EWSR1: variants seen among roughly 807,000 people sequenced by gnomAD.
EWSR1 encodes RNA-binding protein EWS.
In EWSR1, 14 loss-of-function variants were observed where a neutral mutation model predicts 92.1. The observed-to-expected ratio is 0.15, with a 90% CI of 0.10 to 0.24. The LOEUF (loss-of-function observed/expected upper bound fraction) is 0.24, where lower values mean the gene tolerates loss of function less well. Ranked by LOEUF, EWSR1 falls within the 10% of genes least tolerant of loss-of-function variation. The pLI is 1.00. For missense variants in EWSR1, 637 were observed against 870.9 expected, an observed-to-expected ratio of 0.73 and a Z score of 3.38; for synonymous variants, 303 against 292.9, an observed-to-expected ratio of 1.03 and a Z score of -0.35.
chr22:29,290,745 T>G, intron 8 of EWSR1: 3 of 1,158,678 alleles, frequency 2.6e-6, no homozygotes, highest in Non-Finnish European at 3.3e-6. Flanking sequence ...TGCAACAGCT[T>G]GAAATTGTAT....
chr22:29,276,960 C>T (rs914534447), intron 4 of EWSR1: 7 of 231,068 alleles, frequency 3.0e-5, no homozygotes, highest in Non-Finnish European at 3.4e-5. Context: ...TACCCATTGA[C>T]CATGAGGAAG....
intron 1 of EWSR1, among the ~76,000 whole-genome samples, chr22:29,270,563 T>C (rs899959669): frequency 4.6e-5 from 7 of 152,216 alleles, no homozygotes; most frequent in African/African-American, 1.7e-4. Context: ...CCAGTTAGTA[T>C]AGGGCCGAAT....
chr22:29,290,997 T>C, intron 8 of EWSR1: 1 of 236,688 alleles, frequency 4.2e-6, no homozygotes, highest in Non-Finnish European at 8.3e-6. Context: ...TTCACAGCGA[T>C]TGTTAAATCT....
chr22:29,299,761 G>A lies in EWSR1; in HGVS notation c.1841G>A (p.Arg614Lys). 1 of 1,608,398 alleles carries A rather than the reference G, an allele frequency of 6.2e-7. No homozygotes were observed. Among genetic ancestry groups the A allele is most frequent in the African/African-American group, 1.3e-5 (1 of 74,970 alleles). The change falls in exon 16 of 17, where the codon AGA becomes AAA. Residue 614 changes from arginine (R) to lysine (K), a missense_variant. Physicochemically the swap from Arg to Lys is conservative, Grantham distance 26. This residue lies in a region of EWSR1 where 363 missense variants were observed against 447.8 expected (regional missense o/e 0.81). Transcript: ENST00000397938. ...GACCGAGGTGGCTTTGGTGGAGGAA[G>A]ACGAGGTGGCCCTGGGGGGCCCCCT... ...GMDRGGFGGG[R>K]RGGPGGPPGP...
chr22:29,300,386 C>CT lies in EWSR1; in HGVS notation c.*228dup, dbSNP rs1569130915. ...TTCTTTTAAAAATGGTTGTTTAAGA[C>CT]TTTAACAATGGGAACCCCTTGTGAG... is the stretch of plus-strand genomic sequence containing the variant. On this transcript the variant is annotated 3_prime_UTR_variant, in exon 17 of 17. Coordinates refer to ENST00000397938, the MANE Select transcript of EWSR1 (RefSeq NM_005243.4). The CT allele has an allele frequency of 6.3e-6, 3 of 476,120 alleles. No individual in the cohort carries two copies. The highest frequency in any genetic ancestry group is 7.5e-5 in the Admixed American group (2 of 26,752). The allele number at this position is 476,120 out of a possible 1,614,324, so 29.5% of individuals were successfully genotyped here. A position where few individuals can be genotyped will look rare whatever the true frequency, so the allele number is the denominator to read the frequency against.
chr22:29,273,593 AT>A, intron 3 of EWSR1, 147 bp from the exon 4 acceptor site: 1 of 880,646 alleles, frequency 1.1e-6, no homozygotes, highest in East Asian at 2.8e-5. Flanking sequence ...TACTGTGATT[AT>A]TTGTCTTGTT....
rs1172395165 is a variant in EWSR1 at position 29,299,697 on chromosome 22, G to A, written c.1777G>A (p.Gly593Ser). The A allele has an allele frequency of 1.9e-6, 3 of 1,612,856 alleles. No individual in the cohort carries two copies. Among genetic ancestry groups the A allele is most frequent in the Admixed American group, 1.7e-5 (1 of 59,958 alleles). Reference protein sequence around the residue: ...GPGGMFRGGRGGDRGGFRGGR... With the variant: ...GPGGMFRGGRSGDRGGFRGGR... ...CGGTGGAATGTTCAGAGGTGGCCGT[G>A]GTGGAGACAGAGGTGGCTTCCGTGG... The change falls in exon 16 of 17, where the codon GGT becomes AGT. Residue 593 changes from glycine (G) to serine (S), a missense_variant. Coordinates refer to ENST00000397938, the MANE Select transcript of EWSR1 (RefSeq NM_005243.4).
At chr22:29,282,085 C>T (rs754525397) in intron 5 of EWSR1, among the ~76,000 whole-genome samples, 2 of 152,180 alleles carry the variant, frequency 1.3e-5, no homozygotes, top group Non-Finnish European at 2.9e-5. Context: ...ACTGGTAGCA[C>T]ACAATATCGC....
chr22:29,279,634 T>G (rs980837315), intron 5 of EWSR1, among the ~76,000 whole-genome samples: 1 of 152,232 alleles, frequency 6.6e-6, no homozygotes, highest in Non-Finnish European at 1.5e-5. Context: ...AGAAGACATT[T>G]TAGGAAATCA....
Position 29,298,747 on chromosome 22 carries a change from G to T in EWSR1, c.1432G>T (p.Gly478Ter). 6.2e-7 allele frequency: 1 copy of T among 1,613,684 alleles called. No homozygotes were observed. Among genetic ancestry groups the T allele is most frequent in the Non-Finnish European group, 8.5e-7 (1 of 1,179,980 alleles). Residue 478 changes from glycine (G) to a stop codon, truncating the protein, a stop_gained, in exon 14 of 17, where the codon GGA becomes TGA. Coordinates refer to ENST00000397938, the MANE Select transcript of EWSR1 (RefSeq NM_005243.4). LOFTEE classifies it high-confidence loss of function. Reference protein sequence around the residue: ...PPLRGGPGGPGGPGGPMGRMG... With the variant: ...PPLRGGPGGP Reference sequence around the variant, plus strand: ...TCTTGTTGTAGGTCCAGGAGGCCCAGGAGGTCCTGGGGGACCCATGGGTCG... The same window carrying T: ...TCTTGTTGTAGGTCCAGGAGGCCCATGAGGTCCTGGGGGACCCATGGGTCG...
At chr22:29,274,410 C>T in intron 4 of EWSR1, 1 of 1,043,716 alleles carries the variant, frequency 9.6e-7, no homozygotes, top group Non-Finnish European at 1.5e-6. Flanking sequence ...CAGCAAGGTG[C>T]TAATGAAAAA....
At chr22:29,273,715 C>CT in intron 3 of EWSR1, 26 bp from the exon 4 acceptor site, 1 of 1,599,438 alleles carries the variant, frequency 6.3e-7, no homozygotes, top group Non-Finnish European at 8.5e-7. Context: ...GTATGAAGTT[C>CT]TTGCATTCGT....
intron 1 of EWSR1, among the ~76,000 whole-genome samples, chr22:29,271,763 C>T (rs2058699109): frequency 6.6e-6 from 1 of 152,132 alleles, no homozygotes; most frequent in South Asian, 2.1e-4. Flanking sequence ...GGAGTGAAAA[C>T]TAATTTTTGA....
chr22:29,300,469 G>T lies in EWSR1; in HGVS notation c.*308G>T. ...GCCTCTTAACTGTAACAATGTTCATGGTTGTGATGTTTTTTTTTTTTTTTT... is the reference window on the plus strand; with the variant it reads ...GCCTCTTAACTGTAACAATGTTCATTGTTGTGATGTTTTTTTTTTTTTTTT... On this transcript the variant is annotated 3_prime_UTR_variant, in exon 17 of 17. Transcript: ENST00000397938. 3.5e-6 allele frequency: 1 copy of T among 286,294 alleles called. No individual in the cohort carries two copies. Among genetic ancestry groups the T allele is most frequent in the Non-Finnish European group, 6.4e-6 (1 of 156,064 alleles). 17.7% of individuals were successfully genotyped at this position (286,294 alleles called of 1,614,324 possible). A position where few individuals can be genotyped will look rare whatever the true frequency, so the allele number is the denominator to read the frequency against.
chr22:29,288,671 G>C lies in EWSR1; in HGVS notation c.859G>C (p.Gly287Arg), dbSNP rs777901369. The C allele has an allele frequency of 1.2e-6, 2 of 1,613,776 alleles. 1 individual carries two copies. Among genetic ancestry groups the C allele is most frequent in the Non-Finnish European group, 1.7e-6 (2 of 1,179,870 alleles). The part of the protein sequence containing the change: ...VYGQESGGFS[G>R]PGENRSMSGP... The stretch of plus-strand genomic sequence containing the variant: ...TGGGCAGGAGTCTGGAGGATTTTCC[G>C]GACCAGGAGAGAACCGGAGCATGAG... The change falls in exon 8 of 17, where the codon GGA (glycine) becomes CGA (arginine). Residue 287 changes from glycine (G) to arginine (R), a missense_variant. Around this residue, in one of 5 missense-constraint regions of EWSR1, gnomAD observed 116 missense variants for 167.8 expected, o/e 0.69. Transcript: ENST00000397938.
chr22:29,281,030 C>T (rs1236586780), intron 5 of EWSR1, among the ~76,000 whole-genome samples: 1 of 151,826 alleles, frequency 6.6e-6, no homozygotes, highest in Admixed American at 6.6e-5. Context: ...CAGGCACCCA[C>T]CATGATGCCT....
chr22:29,271,042 GCT>G (rs1569040292), intron 1 of EWSR1, among the ~76,000 whole-genome samples: 1 of 152,182 alleles, frequency 6.6e-6, no homozygotes, highest in Non-Finnish European at 1.5e-5. Flanking sequence ...ATTCAGCAAA[GCT>G]CTCTCAGGCC....
intron 1 of EWSR1, 109 bp downstream of exon 1, chr22:29,268,458 G>T: frequency 6.3e-7 from 1 of 1,586,924 alleles, no homozygotes; most frequent in Admixed American, 1.7e-5. Context: ...GCCGAGAGGG[G>T]GTTGAGGCAC....
intron 5 of EWSR1, among the ~76,000 whole-genome samples, chr22:29,278,640 C>T (rs1164300317): frequency 6.6e-6 from 1 of 152,030 alleles, no homozygotes; most frequent in Non-Finnish European, 1.5e-5. Flanking sequence ...CTGGCTAACA[C>T]GGTGAAACCC....
Sources: allele counts gnomAD v4.1 joint callset (sites outside exome capture counted in the v4.1 genomes callset), GRCh38; gene constraint gnomAD v4.1.1; regional missense constraint gnomAD v4.1.1; transcripts MANE v1.5; gene names NCBI Gene and HGNC (gene_info 2026-07-23, HGNC 2026-07-21).